The following SETBP1 variants were observed in gnomAD, a reference collection of about 807,000 sequenced individuals.
SETBP1 encodes SET binding protein 1, also known as SET-binding protein.
SETBP1 carries 9 observed loss-of-function variants against 101.0 expected under a neutral mutation model. That is an observed-to-expected ratio of 0.09 (90% CI 0.05 to 0.16). The LOEUF is 0.16. Among genes scored for constraint, SETBP1 ranks in the 10% least tolerant of loss-of-function variants. The pLI is 1.00. For missense variants in SETBP1, 1,858 were observed against 2,033.8 expected, an observed-to-expected ratio of 0.91 and a Z score of 1.66; for synonymous variants, 818 against 788.5, an observed-to-expected ratio of 1.04 and a Z score of -0.63.
intron 4 of SETBP1, among the ~76,000 whole-genome samples, chr18:45,019,419 G>A (rs2073012601): frequency 1.3e-5 from 2 of 152,174 alleles, no homozygotes; most frequent in South Asian, 2.1e-4. Context: ...TGGCTAAATC[G>A]AGCTAATTAA....
intron 2 of SETBP1, among the ~76,000 whole-genome samples, chr18:44,764,432 T>A (rs1412238583): frequency 2.6e-5 from 4 of 152,162 alleles, no homozygotes; most frequent in African/African-American, 9.7e-5. Flanking sequence ...GTCCTCCTTC[T>A]TCTTCTTCTT....
At chr18:44,891,953 T>C (rs988684105) in intron 3 of SETBP1, among the ~76,000 whole-genome samples, 1 of 152,126 alleles carries the variant, frequency 6.6e-6, no homozygotes, top group Non-Finnish European at 1.5e-5. Context: ...GATCAACAGA[T>C]ATATTCATCA....
chr18:44,884,843 T>C (rs1242171637), intron 3 of SETBP1, among the ~76,000 whole-genome samples: 1 of 152,202 alleles, frequency 6.6e-6, no homozygotes, highest in African/African-American at 2.4e-5. Context: ...CAGTTTGTCA[T>C]GAGTTCAGTG....
intron 4 of SETBP1, among the ~76,000 whole-genome samples, chr18:44,992,874 C>T (rs548465416): frequency 6.6e-6 from 1 of 151,946 alleles, no homozygotes; most frequent in South Asian, 2.1e-4. Flanking sequence ...TAATAGTGGG[C>T]CAAGTGTACC....
intron 3 of SETBP1, among the ~76,000 whole-genome samples, chr18:44,939,322 C>A (rs2145038519): frequency 6.6e-6 from 1 of 152,118 alleles, no homozygotes; most frequent in African/African-American, 2.4e-5. Context: ...CTGATCTACA[C>A]CTTTATATAA....
chr18:44,997,424 T>C (rs1599427812), intron 4 of SETBP1, among the ~76,000 whole-genome samples: 1 of 152,190 alleles, frequency 6.6e-6, no homozygotes, highest in East Asian at 1.9e-4. Context: ...TTGCCAGTGT[T>C]ATGCTGAGTA....
intron 2 of SETBP1, among the ~76,000 whole-genome samples, chr18:44,708,687 A>G (rs1053189975): frequency 2.0e-5 from 3 of 152,154 alleles, no homozygotes; most frequent in Non-Finnish European, 4.4e-5. Flanking sequence ...TCACAATCAC[A>G]TTCGGCCAGC....
Position 44,692,068 on chromosome 18 carries a change from C to A in SETBP1, c.-172-9107C>A, listed in dbSNP as rs561174830. ...GTCAGGTTAGCAGATGCAAAGGAAA[C>A]AAGTTGTCTGTGCTTCTCACTGTGT... On this transcript the variant is annotated intron_variant, in intron 1 of 5. Transcript: ENST00000649279. 2.0e-5 allele frequency among the ~76,000 whole-genome samples: 3 copies of A among 152,290 alleles called. No individual in the cohort carries two copies. In the East Asian group the frequency reaches 5.8e-4, roughly 29 times the overall value.
chr18:44,687,008 C>T (rs1177773701), intron 1 of SETBP1, among the ~76,000 whole-genome samples: 2 of 152,156 alleles, frequency 1.3e-5, no homozygotes, highest in African/African-American at 4.8e-5. Context: ...CCATCTTGCT[C>T]ATTTTGGCAC....
At chr18:44,750,104 G>A (rs533209179) in intron 2 of SETBP1, among the ~76,000 whole-genome samples, 6 of 152,288 alleles carry the variant, frequency 3.9e-5, no homozygotes, top group African/African-American at 9.6e-5. Context: ...AGAGGACTTC[G>A]GAGAAACTGG....
intron 4 of SETBP1, among the ~76,000 whole-genome samples, chr18:44,981,847 A>G (rs1285543360): frequency 6.6e-6 from 1 of 152,196 alleles, no homozygotes; most frequent in Non-Finnish European, 1.5e-5. Context: ...TGATTAGCCT[A>G]CAATAAGGTC....
At chr18:44,779,661 C>G (rs1464037771) in intron 2 of SETBP1, among the ~76,000 whole-genome samples, 1 of 151,988 alleles carries the variant, frequency 6.6e-6, no homozygotes, top group African/African-American at 2.4e-5. Context: ...CTCTGGCTAA[C>G]TGTCGAAGAC....
chr18:44,937,421 C>T (rs1414763560), intron 3 of SETBP1, among the ~76,000 whole-genome samples: 2 of 140,718 alleles, frequency 1.4e-5, no homozygotes, highest in Admixed American at 7.5e-5. Context: ...CGCCACTGCA[C>T]TCCAGCCTGG....
chr18:44,978,415 A>G (rs2072039124), intron 4 of SETBP1, among the ~76,000 whole-genome samples: 1 of 152,194 alleles, frequency 6.6e-6, no homozygotes. Flanking sequence ...AGTGATATTA[A>G]TCACAAAGCC....
intron 1 of SETBP1, among the ~76,000 whole-genome samples, chr18:44,687,805 C>T (rs1267797046): frequency 6.6e-6 from 1 of 151,960 alleles, no homozygotes; most frequent in African/African-American, 2.4e-5. Flanking sequence ...TGTCATTTCT[C>T]CATGTAGATT....
At chr18:45,004,628 C>G (rs1490604332) in intron 4 of SETBP1, among the ~76,000 whole-genome samples, 1 of 152,222 alleles carries the variant, frequency 6.6e-6, no homozygotes, top group African/African-American at 2.4e-5. Flanking sequence ...GCCCACCTGA[C>G]AGCCTTTCCA....
chr18:44,706,305 G>T (rs908842948), intron 2 of SETBP1, among the ~76,000 whole-genome samples: 1 of 152,180 alleles, frequency 6.6e-6, no homozygotes, highest in Admixed American at 6.5e-5. Flanking sequence ...TTCCAGTAGT[G>T]CTGGGCACAG....
intron 2 of SETBP1, among the ~76,000 whole-genome samples, chr18:44,757,638 T>A (rs1179239831): frequency 6.6e-6 from 1 of 152,248 alleles, no homozygotes; most frequent in East Asian, 1.9e-4. Context: ...GTGCTTCATC[T>A]GTACTATCTT....
chr18:44,766,604 T>A (rs896855214), intron 2 of SETBP1, among the ~76,000 whole-genome samples: 1 of 152,038 alleles, frequency 6.6e-6, no homozygotes. Flanking sequence ...ATGAAAAGAG[T>A]TCTGTGGATG....
Sources: allele counts gnomAD v4.1 joint callset (sites outside exome capture counted in the v4.1 genomes callset), GRCh38; gene constraint gnomAD v4.1.1; transcripts MANE v1.5; gene names NCBI Gene and HGNC (gene_info 2026-07-23, HGNC 2026-07-21).